Variants in PCDH15 observed in about 807,000 individuals in gnomAD.
PCDH15 encodes the protein protocadherin related 15, also known as protocadherin-15.
A neutral mutation model predicts 178.5 loss-of-function variants in PCDH15; 129 were observed. The observed-to-expected ratio is 0.72, with a 90% confidence interval of 0.63 to 0.84. The LOEUF (loss-of-function observed/expected upper bound fraction) is 0.84. Among genes scored for constraint, PCDH15 ranks in the 40% least tolerant of loss-of-function variants. The pLI is 0.00. For synonymous variants in PCDH15, 800 were observed against 732.0 expected (o/e 1.09, Z -1.50); for missense variants, 2,230 against 2,099.9 (o/e 1.06, Z -1.21).
At chr10:55,076,428 G>C (rs1841888007) in intron 2 of PCDH15, among the ~76,000 whole-genome samples, 1 of 143,310 alleles carries the variant, frequency 7.0e-6, no homozygotes, top group South Asian at 2.3e-4. Flanking sequence ...TCCTCTTGCT[G>C]TGTTTTTTTT....
intron 15 of PCDH15, among the ~76,000 whole-genome samples, chr10:54,129,247 G>A (rs960839626): frequency 5.9e-5 from 9 of 151,886 alleles, no homozygotes; most frequent in Admixed American, 2.6e-4. Flanking sequence ...AACATATCTC[G>A]GTTTGTAAGT....
intron 2 of PCDH15, among the ~76,000 whole-genome samples, chr10:55,145,043 T>A (rs1272284583): frequency 2.6e-5 from 4 of 152,074 alleles, no homozygotes; most frequent in Admixed American, 6.6e-5. Context: ...ATAGTAGGCA[T>A]CTTTTTGTGG....
chr10:53,996,432 C>G (rs749706878), intron 20 of PCDH15, among the ~76,000 whole-genome samples: 5 of 152,052 alleles, frequency 3.3e-5, no homozygotes, highest in Non-Finnish European at 7.4e-5. Flanking sequence ...CATGCATTGT[C>G]AAGTTCATTA....
chr10:55,036,051 G>C (rs1374564386), intron 2 of PCDH15, among the ~76,000 whole-genome samples: 1 of 152,154 alleles, frequency 6.6e-6, no homozygotes, highest in East Asian at 1.9e-4. Flanking sequence ...TTGAGAGGTA[G>C]AGACTAATGG....
At chr10:55,220,905 A>G (rs1308384873) in intron 1 of PCDH15, among the ~76,000 whole-genome samples, 1 of 151,916 alleles carries the variant, frequency 6.6e-6, no homozygotes, top group Non-Finnish European at 1.5e-5. Context: ...TTATTTTTCT[A>G]GGTAAAATTT....
chr10:54,539,138 T>A (rs1195575683), intron 2 of PCDH15, among the ~76,000 whole-genome samples: 1 of 152,166 alleles, frequency 6.6e-6, no homozygotes, highest in East Asian at 1.9e-4. Flanking sequence ...TCTTTCAGCT[T>A]CTTGGTTAGA....
intron 14 of PCDH15, among the ~76,000 whole-genome samples, chr10:54,147,317 T>C (rs1207912590): frequency 6.6e-6 from 1 of 151,768 alleles, no homozygotes; most frequent in African/African-American, 2.4e-5. Context: ...TGAAAATAAA[T>C]GTGAAGCTAG....
At chr10:54,027,087 CAA>C (rs1270478013) in intron 18 of PCDH15, among the ~76,000 whole-genome samples, 4 of 146,322 alleles carry the variant, frequency 2.7e-5, no homozygotes, top group Non-Finnish European at 4.5e-5. Context: ...GCAACTTCAG[CAA>C]AGTCTCAGGA....
At chr10:55,097,677 G>A (rs544907776) in intron 2 of PCDH15, among the ~76,000 whole-genome samples, 6 of 152,024 alleles carry the variant, frequency 3.9e-5, no homozygotes, top group Non-Finnish European at 8.8e-5. Context: ...GAAGAGGTAA[G>A]AAGTCACCAG....
intron 2 of PCDH15, chr10:55,600,068 A>C (rs1843038654): frequency 1.1e-6 from 1 of 889,618 alleles, no homozygotes; most frequent in Non-Finnish European, 1.5e-6. Flanking sequence ...CTGCATTAAA[A>C]ATTTTGGTTG....
intron 2 of PCDH15, among the ~76,000 whole-genome samples, chr10:54,641,401 T>C (rs2093985129): frequency 2.6e-5 from 4 of 152,188 alleles, no homozygotes; most frequent in African/African-American, 9.6e-5. Context: ...AATTAACTAC[T>C]TTCTTTCTCA....
chr10:53,904,398 G>C (rs2082529254), intron 25 of PCDH15, among the ~76,000 whole-genome samples: 1 of 151,634 alleles, frequency 6.6e-6, no homozygotes, highest in Non-Finnish European at 1.5e-5. Context: ...ATACATCATG[G>C]GTATACATTT....
chr10:54,012,959 C>T (rs1327344144), intron 20 of PCDH15, among the ~76,000 whole-genome samples: 1 of 151,758 alleles, frequency 6.6e-6, no homozygotes, highest in Admixed American at 6.6e-5. Flanking sequence ...CTAAATGACA[C>T]AATTTAAAGC....
rs146743176 is a variant in PCDH15, at chr10:54,252,292, C to T, written c.877-15361G>A. 7.9e-5 allele frequency among the ~76,000 whole-genome samples: 12 copies of T among 152,278 alleles called. No individual in the cohort carries two copies. In the South Asian group the frequency reaches 1.4e-3, roughly 18 times the overall value. On this transcript the variant is annotated intron_variant, in intron 8 of 37. Transcript: ENST00000644397. ...GCCATGAGTAAAACTAATGCAGATA[C>T]TAGTAGCTGCCTGACATTTCAATTC...
At chr10:55,359,720 G>GTATATATATATATATATA (rs57949952) in intron 2 of PCDH15, among the ~76,000 whole-genome samples, 67 of 112,776 alleles carry the variant, frequency 5.9e-4, no homozygotes, top group African/African-American at 2.4e-3. Context: ...AAAATGTGGT[G>GTATATATATATATATATA]TATATATATA....
intron 9 of PCDH15, among the ~76,000 whole-genome samples, chr10:54,230,403 A>C (rs148364901): frequency 3.8e-4 from 58 of 152,292 alleles, no homozygotes; most frequent in African/African-American, 1.2e-3. Context: ...AAACAGAAAA[A>C]TATGGACTCT....
intron 2 of PCDH15, among the ~76,000 whole-genome samples, chr10:55,588,091 T>C (rs183039055): frequency 6.6e-6 from 1 of 152,274 alleles, no homozygotes; most frequent in East Asian, 1.9e-4. Context: ...TCCTCTATTT[T>C]AAAGCGCTTA....
At chr10:55,328,157 T>C (rs1368546944) in intron 2 of PCDH15, among the ~76,000 whole-genome samples, 4 of 151,884 alleles carry the variant, frequency 2.6e-5, no homozygotes, top group Non-Finnish European at 5.9e-5. Context: ...ACAGTGTTGA[T>C]GCCGTACAAA....
In PCDH15 at chr10:54,756,273, A is replaced by T. The variant is rs1317208679; in HGVS notation, c.-29+44652T>A. 2.6e-5 allele frequency among the ~76,000 whole-genome samples: 4 copies of T among 152,216 alleles called. 1 individual carries two copies. The highest frequency in any genetic ancestry group is 1.9e-4 in the East Asian group (1 of 5,178). On this transcript the variant is annotated intron_variant, in intron 1 of 37. Coordinates refer to ENST00000644397, the MANE Select transcript of PCDH15 (RefSeq NM_001384140.1). ...TCAAAAAAATAAAAAAGTAAAAAAT[A>T]AAAACAAAAAATAGTAAATACCATG...
Sources: gnomAD v4.1 joint callset for allele counts (sites outside exome capture counted in the v4.1 genomes callset) on GRCh38, gnomAD v4.1.1 for gene constraint, MANE v1.5 for transcripts, NCBI Gene and HGNC (gene_info 2026-07-23, HGNC 2026-07-21) for gene names.